Variants in CCDC27 observed in about 807,000 individuals in gnomAD.
The protein encoded by CCDC27 is coiled-coil domain-containing protein 27.
In CCDC27, 80 loss-of-function variants were observed where a neutral mutation model predicts 80.3. That is an observed-to-expected ratio of 1.00 (90% CI 0.83 to 1.20). The LOEUF (loss-of-function observed/expected upper bound fraction) is 1.20. CCDC27 is among the 50% of genes most tolerant of loss of function. CCDC27 has a pLI of 0.00. For missense variants in CCDC27, 815 were observed against 809.4 expected, an observed-to-expected ratio of 1.01 and a Z score of -0.08; for synonymous variants, 342 against 334.3, an observed-to-expected ratio of 1.02 and a Z score of -0.25.
intron 9 of CCDC27, 112 bp from the exon 10 acceptor site, chr1:3,767,121 G>T: frequency 4.4e-6 from 4 of 903,220 alleles, no homozygotes; most frequent in Non-Finnish European, 7.0e-6. Context: ...TTACAGGCGT[G>T]AGCCACTGCA....
Position 3,769,814 on chromosome 1 carries a change from C to A in CCDC27, c.1775C>A (p.Ala592Asp). The change falls in exon 11 of 12, where the codon GCC (alanine) becomes GAC (aspartate). Residue 592 changes from alanine (A) to aspartate (D), a missense_variant. Ala to Asp is a moderately radical substitution (Grantham distance 126, BLOSUM62 -2). Transcript: ENST00000294600. The surrounding 1 kb of genome is among the most constrained non-coding windows in gnomAD (Gnocchi z 4.6). ...LERLRNKIIQ[A>D]TFSISGTKSL... ...AGGTTAAGGAATAAGATCATCCAGGCCACCTTTAGCATCTCCGGGACCAAG... is the reference window on the plus strand; with the variant it reads ...AGGTTAAGGAATAAGATCATCCAGGACACCTTTAGCATCTCCGGGACCAAG... 1 of 1,614,026 alleles carries A rather than the reference C, an allele frequency of 6.2e-7. No individual in the cohort carries two copies. The highest frequency in any genetic ancestry group is 1.1e-5 in the South Asian group (1 of 91,088).
At position 3,763,278 on chromosome 1, in the gene CCDC27, G is replaced by A. The variant is rs370507015; in HGVS notation, c.1125G>A (p.Glu375=). The change falls in exon 7 of 12, where the codon GAG becomes GAA. Residue 375 remains glutamate, a synonymous_variant. Transcript: ENST00000294600. This position sits in a 1 kb window ranked among gnomAD's most constrained non-coding sequence, Gnocchi z 7.5. ...AGGAGGGAAGCGAGGAGGAGGAAGA[G>A]GAGGAAGGGGACAGGGATGAGGACT... The part of the protein sequence containing the change: ...VHEEGSEEEE[E]EEGDRDEDSE... The A allele has an allele frequency of 3.8e-6, 6 of 1,592,502 alleles. No homozygotes were observed. In the African/African-American group the frequency reaches 6.7e-5, roughly 18 times the overall value.
chr1:3,758,217 GTCTC>G (rs1339160834), intron 4 of CCDC27, among the ~76,000 whole-genome samples: 7 of 152,090 alleles, frequency 4.6e-5, no homozygotes, highest in Admixed American at 4.6e-4. Flanking sequence ...TTGAGACAGA[GTCTC>G]TCTCTGTTGC....
In CCDC27 at chr1:3,755,482, C is replaced by G. The variant is rs769266294; in HGVS notation, c.468C>G (p.Ser156=). ...GTTCACCCACTGAGGCCGATTTGTCCGGAGAGATTGACAACAGCTCGGAGA... is the reference window on the plus strand; with the variant it reads ...GTTCACCCACTGAGGCCGATTTGTCGGGAGAGATTGACAACAGCTCGGAGA... ...HCGSPTEADL[S]GEIDNSSETW... The change falls in exon 3 of 12, where the codon TCC becomes TCG. Residue 156 remains serine (S), a synonymous_variant. Transcript: ENST00000294600. The G allele has an allele frequency of 9.9e-6, 16 of 1,614,016 alleles. No individual in the cohort carries two copies. The highest frequency in any genetic ancestry group is 1.3e-5 in the Non-Finnish European group (15 of 1,180,020).
chr1:3,767,535 G>C, intron 10 of CCDC27, 90 bp downstream of exon 10: 2 of 1,199,484 alleles, frequency 1.7e-6, no homozygotes, highest in Non-Finnish European at 2.3e-6. Context: ...AGGTAGAACC[G>C]GGGTCTGTGT....
chr1:3,764,840 C>T (rs138454659), intron 8 of CCDC27, among the ~76,000 whole-genome samples: 115 of 151,996 alleles, frequency 7.6e-4, no homozygotes, highest in African/African-American at 2.4e-3. Flanking sequence ...GTTCAAGACC[C>T]GCCTGACCAA....
intron 8 of CCDC27, among the ~76,000 whole-genome samples, chr1:3,765,513 T>G (rs1643207434): frequency 6.6e-6 from 1 of 152,256 alleles, no homozygotes; most frequent in African/African-American, 2.4e-5. Context: ...TACCGATACT[T>G]TCTAGAAGAT....
chr1:3,753,360 G>A (rs1642871682), intron 1 of CCDC27, among the ~76,000 whole-genome samples: 1 of 116,472 alleles, frequency 8.6e-6, no homozygotes, highest in Non-Finnish European at 1.7e-5. Flanking sequence ...TTTCACTCTT[G>A]TCACCCGGGC....
rs1192540959 is a variant in CCDC27, at chr1:3,766,926, C to CGCCTCCTGGGTTCAAGTGATTCTCCT, written c.1531-301_1531-276dup. ...TGTGATCTCAGCTCACTGCAACCTC[C>CGCCTCCTGGGTTCAAGTGATTCTCCT]GCCTCCTGGGTTCAAGTGATTCTCC... On this transcript the variant is annotated intron_variant, in intron 9 of 11. Transcript: ENST00000294600. This position sits in a 1 kb window ranked among gnomAD's most constrained non-coding sequence, Gnocchi z 6.1. 6.6e-6 allele frequency among the ~76,000 whole-genome samples: 1 copy of CGCCTCCTGGGTTCAAGTGATTCTCCT among 151,162 alleles called. No individual in the cohort carries two copies. Among genetic ancestry groups the CGCCTCCTGGGTTCAAGTGATTCTCCT allele is most frequent in the African/African-American group, 2.4e-5 (1 of 41,032 alleles).
chr1:3,756,122 C>T (rs1273511434), intron 3 of CCDC27: 6 of 155,508 alleles, frequency 3.9e-5, no homozygotes, highest in African/African-American at 9.7e-5. Context: ...GGGTGGATCA[C>T]GAGGTTCAGG....
chr1:3,756,833 A>G lies in CCDC27; in HGVS notation c.654A>G (p.Ala218=). The change falls in exon 4 of 12, where the codon GCA becomes GCG. Residue 218 remains alanine (A), a synonymous_variant. Transcript: ENST00000294600. ...GTCCGGTCACCAGCAGCTCAGTCGC[A>G]TCTCAGAGCTGCCTGAGAAAGAGGA... ...TLSPVTSSSV[A]SQSCLRKRMP... is the part of the protein sequence containing the mutation. 3.7e-6 allele frequency: 6 copies of G among 1,613,998 alleles called. No homozygotes were observed. Among genetic ancestry groups the G allele is most frequent in the Non-Finnish European group, 5.1e-6 (6 of 1,179,996 alleles).
At chr1:3,753,419 G>C (rs1286940513) in intron 1 of CCDC27, among the ~76,000 whole-genome samples, 1 of 150,652 alleles carries the variant, frequency 6.6e-6, no homozygotes, top group East Asian at 1.9e-4. Context: ...CACCTCCTGG[G>C]TTCAAGTGAT....
chr1:3,763,871 G>A lies in CCDC27; in HGVS notation c.1452+35G>A. ...CGCTCAGTACCGGCCTCCGCTCCAT[G>A]AGCATGGGCCCCAGGCTTCATTAAC... On this transcript the variant is annotated intron_variant, in intron 8 of 11. Coordinates refer to ENST00000294600, the MANE Select transcript of CCDC27 (RefSeq NM_152492.3). The surrounding 1 kb of genome is among the most constrained non-coding windows in gnomAD (Gnocchi z 7.5). The A allele has an allele frequency of 1.9e-6, 3 of 1,607,824 alleles. No individual in the cohort carries two copies. The highest frequency in any genetic ancestry group is 2.6e-6 in the Non-Finnish European group (3 of 1,175,964).
At position 3,761,536 on chromosome 1, in the gene CCDC27, CT is replaced by C; in HGVS notation, c.861+107del. On this transcript the variant is annotated intron_variant, in intron 5 of 11. Transcript: ENST00000294600. This position sits in a 1 kb window ranked among gnomAD's most constrained non-coding sequence, Gnocchi z 5.0. The stretch of plus-strand genomic sequence containing the variant: ...GGCCCCTGGCAAACCCCCAGGCCCC[CT>C]GGATCCTATCAGGTCCTCACTGGAA... The C allele has an allele frequency of 2.9e-6, 4 of 1,356,038 alleles. No individual in the cohort carries two copies. The highest frequency in any genetic ancestry group is 4.0e-6 in the Non-Finnish European group (4 of 998,376). The allele number at this position is 1,356,038 out of a possible 1,614,324, so 84.0% of individuals were successfully genotyped here. A position where few individuals can be genotyped will look rare whatever the true frequency, so the allele number is the denominator to read the frequency against.
intron 5 of CCDC27, among the ~76,000 whole-genome samples, chr1:3,762,164 G>A (rs1285571810): frequency 6.6e-6 from 1 of 152,172 alleles, no homozygotes; most frequent in African/African-American, 2.4e-5. Context: ...GCAGGAACCA[G>A]GGGGAAGGCC....
In CCDC27 at chr1:3,766,762, C is replaced by T. The variant is rs546663637; in HGVS notation, c.1530+150C>T. On this transcript the variant is annotated intron_variant, in intron 9 of 11. Transcript: ENST00000294600. The surrounding 1 kb of genome is among the most constrained non-coding windows in gnomAD (Gnocchi z 6.1). ...TGCCACTCGACAGATCTCTGCACCC[C>T]ACGTCCACACAGAAGGCTCCTCGCA... 8.1e-5 allele frequency: 51 copies of T among 625,990 alleles called. No homozygotes were observed. Among genetic ancestry groups the T allele is most frequent in the Non-Finnish European group, 1.3e-4 (45 of 358,864 alleles). 38.8% of individuals were successfully genotyped at this position (625,990 alleles called of 1,614,324 possible). A position where few individuals can be genotyped will look rare whatever the true frequency, so the allele number is the denominator to read the frequency against.
rs771833259 is a variant in CCDC27, at chr1:3,752,718, G to T, written c.237G>T (p.Arg79=). ...LLQSMASRDA[R]CPEWKPHQKP... ...AGAGCATGGCCAGCCGGGACGCCCGGTGCCCAGAATGGAAACCGCACCAAA... is the reference window on the plus strand; with the variant it reads ...AGAGCATGGCCAGCCGGGACGCCCGTTGCCCAGAATGGAAACCGCACCAAA... Residue 79 remains arginine (R), a synonymous_variant, in exon 1 of 12, where the codon CGG becomes CGT. Coordinates refer to ENST00000294600, the MANE Select transcript of CCDC27 (RefSeq NM_152492.3). The T allele has an allele frequency of 6.2e-7, 1 of 1,613,884 alleles. No individual in the cohort carries two copies. Among genetic ancestry groups the T allele is most frequent in the South Asian group, 1.1e-5 (1 of 91,086 alleles).
At position 3,768,631 on chromosome 1, in the gene CCDC27, GGTGTGTCCATTT is replaced by G. The variant is rs1643289199; in HGVS notation, c.1744-1148_1744-1137del. Among the ~76,000 whole-genome samples, 4 of 152,160 alleles carry G rather than the reference GGTGTGTCCATTT, an allele frequency of 2.6e-5. No homozygotes were observed. Among genetic ancestry groups the G allele is most frequent in the Non-Finnish European group, 5.9e-5 (4 of 68,024 alleles). On this transcript the variant is annotated intron_variant, in intron 10 of 11. Transcript: ENST00000294600. This position sits in a 1 kb window ranked among gnomAD's most constrained non-coding sequence, Gnocchi z 5.6. ...AAAGCGTTAGACCAGAGGCGGTCTA[GGTGTGTCCATTT>G]GTGCGCCAGCCTGCACTGACCTGGT... is the stretch of plus-strand genomic sequence containing the variant.
chr1:3,755,617 C>G (rs778417322), intron 3 of CCDC27, 50 bp downstream of exon 3: 2 of 1,457,358 alleles, frequency 1.4e-6, no homozygotes, highest in Middle Eastern at 1.8e-4. Flanking sequence ...CCCCTGAGCT[C>G]GAGGCCTGCT....
Sources: allele counts gnomAD v4.1 joint callset (sites outside exome capture counted in the v4.1 genomes callset), GRCh38; gene constraint gnomAD v4.1.1; non-coding constraint Gnocchi (gnomAD v3.1); transcripts MANE v1.5; gene names NCBI Gene and HGNC (gene_info 2026-07-23, HGNC 2026-07-21).